MYO5B: variants seen among roughly 807,000 people sequenced by gnomAD.
The protein encoded by MYO5B is myosin VB.
Under a neutral mutation model 229.3 loss-of-function variants are expected in MYO5B, and 143 were observed. The ratio of observed to expected loss-of-function variants is 0.62; its 90% CI spans 0.54 to 0.72. The LOEUF (loss-of-function observed/expected upper bound fraction) is 0.72. MYO5B is among the 30% of genes least tolerant of loss of function. MYO5B has a pLI of 0.00. For synonymous variants in MYO5B, 918 were observed against 885.2 expected (o/e 1.04, Z -0.66); for missense variants, 2,321 against 2,331.0 (o/e 1.00, Z 0.09).
chr18:49,883,752 C>T (rs1162221482), intron 22 of MYO5B, among the ~76,000 whole-genome samples: 4 of 152,156 alleles, frequency 2.6e-5, no homozygotes, highest in Admixed American at 6.5e-5. Flanking sequence ...GTAATACAGA[C>T]AGCGTGATAC....
At chr18:50,109,055 G>A (rs932596114) in intron 1 of MYO5B, among the ~76,000 whole-genome samples, 10 of 152,148 alleles carry the variant, frequency 6.6e-5, no homozygotes, top group African/African-American at 2.4e-4. Context: ...CTGAAAATTG[G>A]CACTGAGTGA....
chr18:50,071,735 G>C (rs1166780679), intron 1 of MYO5B, among the ~76,000 whole-genome samples: 1 of 152,152 alleles, frequency 6.6e-6, no homozygotes, highest in Non-Finnish European at 1.5e-5. Context: ...GGGAATTTCT[G>C]GGTCCTACAA....
chr18:49,842,996 A>G (rs747558576), intron 34 of MYO5B, among the ~76,000 whole-genome samples: 97 of 152,204 alleles, frequency 6.4e-4, no homozygotes, highest in Non-Finnish European at 1.9e-4. Context: ...GAGGCTCAGC[A>G]GGGAGGAGCT....
intron 5 of MYO5B, among the ~76,000 whole-genome samples, chr18:49,997,666 G>A (rs1391839682): frequency 1.3e-5 from 2 of 152,074 alleles, no homozygotes; most frequent in African/African-American, 4.8e-5. Context: ...ACAGAACAGG[G>A]TCAGAGAGTG....
chr18:49,949,480 A>G (rs2025410129), intron 14 of MYO5B, among the ~76,000 whole-genome samples: 1 of 152,154 alleles, frequency 6.6e-6, no homozygotes, highest in Non-Finnish European at 1.5e-5. Flanking sequence ...CTACATTACA[A>G]CCGCTCAGAC....
Position 50,029,746 on chromosome 18 carries a change from AGT to A in MYO5B, c.455+7102_455+7103del, listed in dbSNP as rs144669598. ...GAAGCAAGGCCAATGTTCCCCTCAAAGTGTGAAGATGCTGAGAACCACAGAGG... is the reference window on the plus strand; with the variant it reads ...GAAGCAAGGCCAATGTTCCCCTCAAAGTGAAGATGCTGAGAACCACAGAGG... On this transcript the variant is annotated intron_variant, in intron 4 of 39. Coordinates refer to ENST00000285039, the MANE Select transcript of MYO5B (RefSeq NM_001080467.3). 5.8e-3 allele frequency among the ~76,000 whole-genome samples: 890 copies of A among 152,278 alleles called. 3 individuals carry two copies. The highest frequency in any genetic ancestry group is 9.9e-3 in the South Asian group (48 of 4,828).
intron 1 of MYO5B, among the ~76,000 whole-genome samples, chr18:50,188,669 C>G (rs756679397): frequency 6.6e-6 from 1 of 151,832 alleles, no homozygotes; most frequent in Non-Finnish European, 1.5e-5. Context: ...CACCTGTAGT[C>G]CCAGATACTC....
intron 22 of MYO5B, among the ~76,000 whole-genome samples, chr18:49,890,480 C>A (rs2024698805): frequency 6.6e-6 from 1 of 152,166 alleles, no homozygotes. Context: ...GAGGAAAATC[C>A]TGTATCTATG....
intron 1 of MYO5B, among the ~76,000 whole-genome samples, chr18:50,133,249 C>G (rs1431632042): frequency 7.3e-6 from 1 of 136,448 alleles, no homozygotes; most frequent in Admixed American, 8.3e-5. Flanking sequence ...TATTTTTGTT[C>G]TCTGTCTTCT....
At chr18:50,179,335 G>A (rs2033041210) in intron 1 of MYO5B, among the ~76,000 whole-genome samples, 1 of 152,168 alleles carries the variant, frequency 6.6e-6, no homozygotes, top group Non-Finnish European at 1.5e-5. Context: ...GAAAAACCAG[G>A]TCTCTGGTAC....
chr18:50,194,447 CG>C (rs2033271126), intron 1 of MYO5B, among the ~76,000 whole-genome samples: 1 of 152,100 alleles, frequency 6.6e-6, no homozygotes, highest in African/African-American at 2.4e-5. Context: ...TCGGGGAACT[CG>C]GTTGGAGCCG....
At chr18:49,885,360 G>A (rs1189964856) in intron 22 of MYO5B, among the ~76,000 whole-genome samples, 1 of 152,030 alleles carries the variant, frequency 6.6e-6, no homozygotes, top group Admixed American at 6.5e-5. Flanking sequence ...GTGACTACTG[G>A]GATTGCAACC....
chr18:49,936,928 C>G (rs2025256946), intron 15 of MYO5B, among the ~76,000 whole-genome samples: 1 of 152,158 alleles, frequency 6.6e-6, no homozygotes, highest in Non-Finnish European at 1.5e-5. Context: ...CTTAAGCCTC[C>G]TCTCTAACCT....
chr18:49,972,798 C>T (rs2025705175), intron 10 of MYO5B, among the ~76,000 whole-genome samples: 1 of 152,092 alleles, frequency 6.6e-6, no homozygotes, highest in Admixed American at 6.5e-5. Flanking sequence ...AAGGCAAGCA[C>T]TCGATGGACC....
intron 5 of MYO5B, among the ~76,000 whole-genome samples, chr18:49,998,090 C>A (rs1413487844): frequency 6.6e-6 from 1 of 152,148 alleles, no homozygotes; most frequent in Non-Finnish European, 1.5e-5. Flanking sequence ...AAGCCTCTTT[C>A]TCTGCTTGGC....
chr18:50,043,379 T>TATTAA (rs1598975785), intron 2 of MYO5B, among the ~76,000 whole-genome samples: 3 of 69,292 alleles, frequency 4.3e-5, no homozygotes, highest in African/African-American at 1.6e-4. Context: ...TAATATATAA[T>TATTAA]ATATTAAATA....
intron 4 of MYO5B, among the ~76,000 whole-genome samples, chr18:50,008,665 A>G (rs893343304): frequency 7.9e-5 from 12 of 152,164 alleles, no homozygotes; most frequent in African/African-American, 2.7e-4. Context: ...AACACACACT[A>G]TGGTTGCAAA....
At chr18:49,928,334 A>C (rs1216922352) in intron 17 of MYO5B, among the ~76,000 whole-genome samples, 3 of 152,218 alleles carry the variant, frequency 2.0e-5, no homozygotes, top group Non-Finnish European at 4.4e-5. Flanking sequence ...GATATTCCTT[A>C]AAGAACTAAG....
At position 49,876,342 on chromosome 18, in the gene MYO5B, T is replaced by C. The variant is rs368784799; in HGVS notation, c.3397-515A>G. On this transcript the variant is annotated intron_variant, in intron 25 of 39. Transcript: ENST00000285039. ...TATCCAACAGATCTTAAAGCATCTA[T>C]TTCCCAGATTTTGTTCCTTTTGGAT... 173 of 243,366 alleles carry C rather than the reference T, an allele frequency of 7.1e-4. 1 individual carries two copies. In the South Asian group the frequency reaches 9.4e-3, roughly 13 times the overall value. The allele number at this position is 243,366 out of a possible 1,614,324, so 15.1% of individuals were successfully genotyped here.
Sources: gnomAD v4.1 joint callset for allele counts (sites outside exome capture counted in the v4.1 genomes callset) on GRCh38, gnomAD v4.1.1 for gene constraint, MANE v1.5 for transcripts, NCBI Gene and HGNC (gene_info 2026-07-23, HGNC 2026-07-21) for gene names.